Variants in ULK4 observed in about 807,000 individuals in gnomAD.
ULK4 encodes unc-51 like kinase 4.
A neutral mutation model predicts 160.6 loss-of-function variants in ULK4; 133 were observed. That is an observed-to-expected ratio of 0.83 (90% CI 0.72 to 0.96). The LOEUF is 0.96. ULK4 is among the 40% of genes least tolerant of loss of function. The pLI is 0.00. For synonymous variants in ULK4, 534 were observed against 539.8 expected, an observed-to-expected ratio of 0.99 and a Z score of 0.15; for missense variants, 1,580 against 1,499.5, an observed-to-expected ratio of 1.05 and a Z score of -0.89.
intron 29 of ULK4, among the ~76,000 whole-genome samples, chr3:41,671,890 T>G (rs2035552169): frequency 6.6e-6 from 1 of 151,710 alleles, no homozygotes; most frequent in Admixed American, 6.6e-5. Flanking sequence ...ACAACAATAA[T>G]AATAATAATC....
At chr3:41,836,030 C>A (rs2041746924) in intron 17 of ULK4, 59 bp from the exon 18 acceptor site, 3 of 1,197,562 alleles carry the variant, frequency 2.5e-6, no homozygotes, top group Non-Finnish European at 2.4e-6. Flanking sequence ...AGTTCTTAAA[C>A]CTATATGTAA....
At chr3:41,424,382 T>TC (rs1288218910) in intron 34 of ULK4, among the ~76,000 whole-genome samples, 1 of 152,040 alleles carries the variant, frequency 6.6e-6, no homozygotes, top group Non-Finnish European at 1.5e-5. Flanking sequence ...CAAGTGGGAT[T>TC]CCCCCCAGTG....
chr3:41,621,727 C>A (rs1286001408), intron 30 of ULK4, among the ~76,000 whole-genome samples: 1 of 152,098 alleles, frequency 6.6e-6, no homozygotes, highest in Non-Finnish European at 1.5e-5. Flanking sequence ...GACTAAAACA[C>A]CAAAAGCAAT....
intron 17 of ULK4, chr3:41,855,029 A>C (rs1486062550): frequency 6.6e-6 from 1 of 151,822 alleles, no homozygotes; most frequent in Non-Finnish European, 1.5e-5. Flanking sequence ...GATATATCAC[A>C]GAATCGGCCT....
At chr3:41,306,282 G>A (rs1338632294) in intron 35 of ULK4, among the ~76,000 whole-genome samples, 13 of 119,898 alleles carry the variant, frequency 1.1e-4, no homozygotes, top group East Asian at 5.0e-4. Context: ...GCCTCTGCCC[G>A]GCCGCCCCTA....
At chr3:41,907,603 T>C (rs1282417380) in intron 12 of ULK4, among the ~76,000 whole-genome samples, 1 of 152,170 alleles carries the variant, frequency 6.6e-6, no homozygotes, top group Non-Finnish European at 1.5e-5. Flanking sequence ...ATTGTTCACC[T>C]TAAATAGGTA....
Position 41,862,471 on chromosome 3 carries a change from T to C in ULK4, c.1656+21403A>G, listed in dbSNP as rs148026802. Among the ~76,000 whole-genome samples, 220 of 152,250 alleles carry C rather than the reference T, an allele frequency of 1.4e-3. 3 individuals carry two copies. In the East Asian group the frequency reaches 0.036, roughly 25 times the overall value. Reference sequence around the variant, plus strand: ...GTTGATGTTAGCAGATATTCTTCAGTGTCTGGGCACTGAAGAGTTAGGTAT... The same window carrying C: ...GTTGATGTTAGCAGATATTCTTCAGCGTCTGGGCACTGAAGAGTTAGGTAT... On this transcript the variant is annotated intron_variant, in intron 17 of 36. Coordinates refer to ENST00000301831, the MANE Select transcript of ULK4 (RefSeq NM_017886.4).
intron 22 of ULK4, among the ~76,000 whole-genome samples, chr3:41,738,613 C>T (rs182366120): frequency 6.6e-6 from 1 of 151,926 alleles, no homozygotes; most frequent in East Asian, 1.9e-4. Flanking sequence ...CAATAAACTC[C>T]AGAAAAATTC....
At chr3:41,576,619 T>C (rs541675918) in intron 31 of ULK4, among the ~76,000 whole-genome samples, 56 of 152,336 alleles carry the variant, frequency 3.7e-4, no homozygotes, top group Non-Finnish European at 6.8e-4. Context: ...TAAACATTTA[T>C]TGAGCACCTA....
chr3:41,350,267 G>C (rs928689253), intron 35 of ULK4, among the ~76,000 whole-genome samples: 11 of 152,068 alleles, frequency 7.2e-5, no homozygotes, highest in African/African-American at 4.8e-5. Flanking sequence ...CTTGTATTTT[G>C]AGTCATAAGC....
At chr3:41,912,763 T>C in intron 9 of ULK4, 44 bp downstream of exon 9, 5 of 1,528,000 alleles carry the variant, frequency 3.3e-6, no homozygotes, top group Non-Finnish European at 4.5e-6. Flanking sequence ...TGGGCTTAAG[T>C]GTCCAGTAAC....
At chr3:41,491,981 GT>G (rs2084789287) in intron 32 of ULK4, among the ~76,000 whole-genome samples, 1 of 151,536 alleles carries the variant, frequency 6.6e-6, no homozygotes, top group Non-Finnish European at 1.5e-5. Context: ...AACATGTGGT[GT>G]TTGGTTTTTT....
At chr3:41,931,343 C>A (rs1188828346) in intron 5 of ULK4, among the ~76,000 whole-genome samples, 1 of 151,618 alleles carries the variant, frequency 6.6e-6, no homozygotes, top group African/African-American at 2.4e-5. Context: ...GGGTAGGGGT[C>A]TAAAGGAGGG....
intron 16 of ULK4, among the ~76,000 whole-genome samples, chr3:41,887,345 C>G (rs1267781895): frequency 6.6e-6 from 1 of 152,186 alleles, no homozygotes; most frequent in African/African-American, 2.4e-5. Context: ...GCCACTATTA[C>G]TATATTAACA....
intron 19 of ULK4, among the ~76,000 whole-genome samples, chr3:41,816,948 A>G (rs2040985855): frequency 6.6e-6 from 1 of 152,192 alleles, no homozygotes; most frequent in African/African-American, 2.4e-5. Context: ...GAGCCCAGAA[A>G]TAAGTAGACC....
intron 35 of ULK4, among the ~76,000 whole-genome samples, chr3:41,276,505 G>C (rs2079230729): frequency 6.6e-6 from 1 of 152,168 alleles, no homozygotes; most frequent in Non-Finnish European, 1.5e-5. Context: ...GATAGAAAAA[G>C]AATAAAAGCT....
At chr3:41,870,552 G>C (rs1443536878) in intron 17 of ULK4, among the ~76,000 whole-genome samples, 1 of 152,162 alleles carries the variant, frequency 6.6e-6, no homozygotes, top group East Asian at 1.9e-4. Context: ...ACAGGGAATA[G>C]AAAAAGCAGT....
intron 2 of ULK4, among the ~76,000 whole-genome samples, chr3:41,940,796 T>C (rs556177381): frequency 2.6e-5 from 4 of 152,224 alleles, no homozygotes; most frequent in Non-Finnish European, 5.9e-5. Flanking sequence ...AACACATTGA[T>C]CTTAAAAATG....
chr3:41,386,523 C>G (rs1228166880), intron 35 of ULK4, among the ~76,000 whole-genome samples: 1 of 152,074 alleles, frequency 6.6e-6, no homozygotes, highest in East Asian at 1.9e-4. Flanking sequence ...AGTATAAGAA[C>G]AGAGGGAGAA....
Sources: allele counts gnomAD v4.1 joint callset (sites outside exome capture counted in the v4.1 genomes callset), GRCh38; gene constraint gnomAD v4.1.1; transcripts MANE v1.5; gene names NCBI Gene and HGNC (gene_info 2026-07-23, HGNC 2026-07-21).